TBC1D5: variants seen among roughly 807,000 people sequenced by gnomAD.
The protein encoded by TBC1D5 is TBC1 domain family, member 5.
TBC1D5 carries 75 observed loss-of-function variants against 100.3 expected under a neutral mutation model. The ratio of observed to expected loss-of-function variants is 0.75; its 90% CI spans 0.62 to 0.91. TBC1D5 has a LOEUF of 0.91. Among genes scored for constraint, TBC1D5 ranks in the 40% least tolerant of loss-of-function variants. The pLI, the probability that TBC1D5 is intolerant of heterozygous loss-of-function variation, is 0.00. For missense variants in TBC1D5, 910 were observed against 942.4 expected, an observed-to-expected ratio of 0.97 and a Z score of 0.45; for synonymous variants, 323 against 325.6, an observed-to-expected ratio of 0.99 and a Z score of 0.09.
intron 4 of TBC1D5, among the ~76,000 whole-genome samples, chr3:17,408,581 A>T: frequency 6.6e-6 from 1 of 152,066 alleles, no homozygotes; most frequent in East Asian, 1.9e-4. Flanking sequence ...TCAGCCTCCC[A>T]AAGTGCTGGA....
At chr3:17,187,219 CCT>C (rs762531282) in intron 18 of TBC1D5, among the ~76,000 whole-genome samples, 21 of 152,182 alleles carry the variant, frequency 1.4e-4, no homozygotes, top group Non-Finnish European at 2.1e-4. Context: ...ATGTATTCCC[CCT>C]GTCCTTGAAT....
chr3:17,685,342 T>C (rs1393805710), intron 1 of TBC1D5, among the ~76,000 whole-genome samples: 3 of 151,966 alleles, frequency 2.0e-5, no homozygotes, highest in Admixed American at 6.6e-5. Context: ...AAAATTAACT[T>C]ATAAATAATT....
chr3:17,391,307 C>T (rs2093343966), intron 8 of TBC1D5, among the ~76,000 whole-genome samples: 1 of 151,876 alleles, frequency 6.6e-6, no homozygotes, highest in African/African-American at 2.4e-5. Flanking sequence ...TAGAGAGATC[C>T]ACATGGAGAG....
intron 18 of TBC1D5, among the ~76,000 whole-genome samples, chr3:17,207,803 TACTTAG>T (rs1341969314): frequency 6.6e-6 from 1 of 152,246 alleles, no homozygotes; most frequent in Non-Finnish European, 1.5e-5. Flanking sequence ...GATTTTACTG[TACTTAG>T]ACTGATAGCT....
At chr3:17,400,551 C>T (rs1482561542) in intron 8 of TBC1D5, among the ~76,000 whole-genome samples, 2 of 151,994 alleles carry the variant, frequency 1.3e-5, no homozygotes, top group African/African-American at 2.4e-5. Flanking sequence ...AGATATGGAA[C>T]CCTCCTGTGA....
At chr3:17,508,738 A>C (rs1247459495) in intron 2 of TBC1D5, 133 bp from the exon 3 acceptor site, 4 of 415,602 alleles carry the variant, frequency 9.6e-6, no homozygotes, top group Non-Finnish European at 1.8e-5. Context: ...AGGGACTGTT[A>C]TCTCACATTG....
At chr3:17,402,449 T>C (rs937443704) in intron 8 of TBC1D5, among the ~76,000 whole-genome samples, 9 of 152,146 alleles carry the variant, frequency 5.9e-5, no homozygotes, top group Non-Finnish European at 1.3e-4. Context: ...AAGTATAAAC[T>C]TATCTAATTT....
chr3:17,431,969 T>C (rs1156937621), intron 3 of TBC1D5, among the ~76,000 whole-genome samples: 1 of 152,114 alleles, frequency 6.6e-6, no homozygotes, highest in Non-Finnish European at 1.5e-5. Context: ...ATCTAGTTCA[T>C]GAAGAGAGAA....
At chr3:17,369,985 G>A (rs764463987) in intron 13 of TBC1D5, among the ~76,000 whole-genome samples, 32 of 152,080 alleles carry the variant, frequency 2.1e-4, no homozygotes, top group Non-Finnish European at 2.4e-4. Flanking sequence ...GGTATTTTCA[G>A]TATTGCTGAT....
chr3:17,210,858 C>T (rs2072897172), intron 18 of TBC1D5, among the ~76,000 whole-genome samples: 1 of 151,822 alleles, frequency 6.6e-6, no homozygotes, highest in South Asian at 2.1e-4. Flanking sequence ...TTTTTTCTCT[C>T]TTCTATTTAT....
intron 15 of TBC1D5, among the ~76,000 whole-genome samples, chr3:17,263,375 A>G (rs1179297519): frequency 6.6e-6 from 1 of 151,592 alleles, no homozygotes; most frequent in African/African-American, 2.4e-5. Flanking sequence ...CCAAAAAAAA[A>G]AAAAAAAAAA....
At chr3:17,180,572 A>G (rs111424941) in intron 19 of TBC1D5, among the ~76,000 whole-genome samples, 12 of 152,350 alleles carry the variant, frequency 7.9e-5, no homozygotes, top group African/African-American at 2.6e-4. Flanking sequence ...TGCTACATAT[A>G]TAAAATGGAA....
intron 3 of TBC1D5, among the ~76,000 whole-genome samples, chr3:17,495,940 T>C (rs2095701805): frequency 6.6e-6 from 1 of 152,218 alleles, no homozygotes; most frequent in Non-Finnish European, 1.5e-5. Context: ...TTCTTAACTA[T>C]CATTAAAAGT....
intron 2 of TBC1D5, 34 bp downstream of exon 2, chr3:17,623,815 G>A (rs1461667976): frequency 1.3e-5 from 2 of 152,204 alleles, no homozygotes; most frequent in Middle Eastern, 3.4e-3. Context: ...ATACATGACA[G>A]CTGATCAAAA....
At chr3:17,276,328 T>C (rs1456269359) in intron 15 of TBC1D5, among the ~76,000 whole-genome samples, 1 of 152,168 alleles carries the variant, frequency 6.6e-6, no homozygotes, top group Non-Finnish European at 1.5e-5. Context: ...AGTATCATCA[T>C]CTTGGGTGGT....
chr3:17,539,272 T>G (rs942354515), intron 2 of TBC1D5, among the ~76,000 whole-genome samples: 1 of 152,222 alleles, frequency 6.6e-6, no homozygotes, highest in Admixed American at 6.5e-5. Context: ...GTTCTTATTA[T>G]GCAGATGAAG....
At chr3:17,167,035 TTATAG>T (rs2066683810) in intron 20 of TBC1D5, 107 bp from the exon 22 acceptor site, 1 of 1,052,322 alleles carries the variant, frequency 9.5e-7, no homozygotes, top group East Asian at 2.8e-5. Flanking sequence ...CAATCATTTT[TTATAG>T]TATGAATATT....
intron 19 of TBC1D5, among the ~76,000 whole-genome samples, chr3:17,172,144 A>G (rs1281735315): frequency 6.6e-6 from 1 of 152,214 alleles, no homozygotes; most frequent in Non-Finnish European, 1.5e-5. Context: ...CCTTTTTTTA[A>G]TCAACTAAGC....
chr3:17,384,087 A>C (rs1160112838), intron 8 of TBC1D5, 72 bp from the exon 9 acceptor site: 1 of 1,318,708 alleles, frequency 7.6e-7, no homozygotes. Flanking sequence ...TCTCATCTCG[A>C]AGACGTGCCA....
Sources: gnomAD v4.1 joint callset for allele counts (sites outside exome capture counted in the v4.1 genomes callset) on GRCh38, gnomAD v4.1.1 for gene constraint, MANE v1.5 for transcripts, NCBI Gene and HGNC (gene_info 2026-07-23, HGNC 2026-07-21) for gene names.